Variants in SNTG1 observed in about 807,000 individuals in gnomAD.
SNTG1 encodes the protein syntrophin gamma 1, also known as gamma-1-syntrophin.
SNTG1 carries 39 observed loss-of-function variants against 74.7 expected under a neutral mutation model. The ratio of observed to expected loss-of-function variants is 0.52; its 90% CI spans 0.40 to 0.68. The LOEUF (loss-of-function observed/expected upper bound fraction) is 0.68, where lower values mean the gene tolerates loss of function less well. Among genes scored for constraint, SNTG1 ranks in the 30% least tolerant of loss-of-function variants. SNTG1 has a pLI of 0.00. For missense variants in SNTG1, 685 were observed against 609.5 expected (o/e 1.12, Z -1.30); for synonymous variants, 254 against 217.1 (o/e 1.17, Z -1.49).
intron 1 of SNTG1, among the ~76,000 whole-genome samples, chr8:49,982,024 A>T (rs958263765): frequency 6.6e-6 from 1 of 152,178 alleles, no homozygotes; most frequent in Admixed American, 6.5e-5. Context: ...TGGAGAAAAC[A>T]ATAGCTTTAA....
At chr8:50,191,426 G>A (rs1167013150) in intron 2 of SNTG1, among the ~76,000 whole-genome samples, 1 of 152,116 alleles carries the variant, frequency 6.6e-6, no homozygotes, top group Non-Finnish European at 1.5e-5. Context: ...TCAGTAAGTA[G>A]TGTTCCATTG....
intron 4 of SNTG1, among the ~76,000 whole-genome samples, chr8:50,407,729 G>A (rs1198971014): frequency 6.6e-6 from 1 of 152,202 alleles, no homozygotes; most frequent in African/African-American, 2.4e-5. Context: ...ATACTTGCAA[G>A]GCAGTGAAGC....
intron 2 of SNTG1, among the ~76,000 whole-genome samples, chr8:50,197,759 G>A (rs990749270): frequency 6.6e-6 from 1 of 152,096 alleles, no homozygotes; most frequent in African/African-American, 2.4e-5. Flanking sequence ...TTGGAACATG[G>A]TGTTATGCAG....
chr8:50,132,574 T>G lies in SNTG1; in HGVS notation c.-102-39987T>G, dbSNP rs145744734. ...TGAAATCCAACAGGGAAAATTCTATTAGGTTTCAAGGACTACTAATAATTC... is the reference window on the plus strand; with the variant it reads ...TGAAATCCAACAGGGAAAATTCTATGAGGTTTCAAGGACTACTAATAATTC... On this transcript the variant is annotated intron_variant, in intron 1 of 18. Coordinates refer to ENST00000642720, the MANE Select transcript of SNTG1 (RefSeq NM_018967.5). Among the ~76,000 whole-genome samples, 1,207 of 152,244 alleles carry G rather than the reference T, an allele frequency of 7.9e-3. 16 individuals carry two copies. Among genetic ancestry groups the G allele is most frequent in the African/African-American group, 0.028 (1,163 of 41,552 alleles).
intron 2 of SNTG1, among the ~76,000 whole-genome samples, chr8:50,184,826 A>G (rs1405568976): frequency 1.3e-5 from 2 of 152,190 alleles, no homozygotes; most frequent in Non-Finnish European, 2.9e-5. Context: ...AAAAATTAAA[A>G]TGTTCCTAGT....
At chr8:50,751,356 A>G (rs1474303232) in intron 17 of SNTG1, among the ~76,000 whole-genome samples, 2 of 152,028 alleles carry the variant, frequency 1.3e-5, no homozygotes, top group Non-Finnish European at 2.9e-5. Context: ...ATAGACAAAA[A>G]CTTGTTATAG....
intron 9 of SNTG1, among the ~76,000 whole-genome samples, chr8:50,512,262 G>A (rs1384890205): frequency 6.6e-6 from 1 of 151,428 alleles, no homozygotes; most frequent in Non-Finnish European, 1.5e-5. Flanking sequence ...CTTCTGGCTT[G>A]CAGAGTTTCC....
chr8:49,946,331 A>G (rs538005711), intron 1 of SNTG1, among the ~76,000 whole-genome samples: 1 of 152,316 alleles, frequency 6.6e-6, no homozygotes, highest in Non-Finnish European at 1.5e-5. Flanking sequence ...AACTTTGTAG[A>G]CATAATAGTT....
chr8:50,185,564 G>T lies in SNTG1; in HGVS notation c.-28+12929G>T, dbSNP rs1331272570. 2.0e-5 allele frequency among the ~76,000 whole-genome samples: 3 copies of T among 152,124 alleles called. No homozygotes were observed. The East Asian group carries it at 5.8e-4, about 29-fold the overall frequency. On this transcript the variant is annotated intron_variant, in intron 2 of 18. Transcript: ENST00000642720. ...AACTCTCTGAGTAAGTTCCCACATA[G>T]ACCATACTGCTATGATAAATATAAA... is the stretch of plus-strand genomic sequence containing the variant.
intron 2 of SNTG1, among the ~76,000 whole-genome samples, chr8:50,274,210 C>T (rs540869358): frequency 1.3e-5 from 2 of 151,998 alleles, no homozygotes; most frequent in South Asian, 2.1e-4. Context: ...CCTCAGCCCC[C>T]CTAGTAGCTG....
intron 1 of SNTG1, among the ~76,000 whole-genome samples, chr8:49,988,552 G>A (rs1349189446): frequency 6.6e-6 from 1 of 152,170 alleles, no homozygotes; most frequent in Non-Finnish European, 1.5e-5. Flanking sequence ...GAATTCATCA[G>A]TAGGTTTGAG....
intron 15 of SNTG1, among the ~76,000 whole-genome samples, chr8:50,687,171 C>T (rs1295374866): frequency 1.3e-5 from 2 of 148,310 alleles, no homozygotes; most frequent in Non-Finnish European, 3.0e-5. Context: ...AACATGAAAA[C>T]AATTCAAAAC....
intron 15 of SNTG1, among the ~76,000 whole-genome samples, chr8:50,693,423 G>A (rs2095390910): frequency 6.6e-6 from 1 of 152,128 alleles, no homozygotes; most frequent in South Asian, 2.1e-4. Flanking sequence ...CTTTAAGAGT[G>A]TGTAACAATT....
At chr8:50,534,530 C>T (rs546937752) in intron 10 of SNTG1, among the ~76,000 whole-genome samples, 1 of 152,312 alleles carries the variant, frequency 6.6e-6, no homozygotes, top group East Asian at 1.9e-4. Flanking sequence ...CCTGCAATCC[C>T]AGCACTTTGG....
chr8:50,599,773 C>T (rs558207418), intron 13 of SNTG1, among the ~76,000 whole-genome samples: 3 of 152,174 alleles, frequency 2.0e-5, no homozygotes, highest in African/African-American at 7.2e-5. Context: ...TTGACTTCTT[C>T]TTTTCCAATT....
intron 12 of SNTG1, among the ~76,000 whole-genome samples, chr8:50,586,604 G>T (rs2094649788): frequency 1.3e-5 from 2 of 151,766 alleles, no homozygotes. Flanking sequence ...GTCATTAAAA[G>T]ATTTTAGAAG....
chr8:50,322,836 A>C (rs962525090), intron 2 of SNTG1, among the ~76,000 whole-genome samples: 4 of 151,874 alleles, frequency 2.6e-5, no homozygotes, highest in African/African-American at 9.7e-5. Flanking sequence ...CTTTGCTGTG[A>C]CCAGGCAAAG....
At chr8:50,787,952 G>A (rs117186470) in intron 18 of SNTG1, among the ~76,000 whole-genome samples, 178 of 152,044 alleles carry the variant, frequency 1.2e-3, no homozygotes, top group East Asian at 2.9e-3. Flanking sequence ...TCTAAAATCC[G>A]TTTACTTGCA....
intron 2 of SNTG1, among the ~76,000 whole-genome samples, chr8:50,211,914 A>G (rs2084539267): frequency 6.6e-6 from 1 of 152,126 alleles, no homozygotes; most frequent in Non-Finnish European, 1.5e-5. Context: ...TTTTTCTCTC[A>G]AGGTGTTATT....
Sources: allele counts gnomAD v4.1 joint callset (sites outside exome capture counted in the v4.1 genomes callset), GRCh38; gene constraint gnomAD v4.1.1; transcripts MANE v1.5; gene names NCBI Gene and HGNC (gene_info 2026-07-23, HGNC 2026-07-21).